The following NCAM1 variants were observed in gnomAD, a reference collection of about 807,000 sequenced individuals.
NCAM1 encodes neural cell adhesion molecule 1.
A neutral mutation model predicts 109.8 loss-of-function variants in NCAM1; 14 were observed. The ratio of observed to expected loss-of-function variants is 0.13; its 90% CI spans 0.08 to 0.20. The LOEUF (loss-of-function observed/expected upper bound fraction) is 0.20. NCAM1 is among the 10% of genes least tolerant of loss of function. The pLI, the probability that NCAM1 is intolerant of heterozygous loss-of-function variation, is 1.00. For missense variants in NCAM1, 774 were observed against 1,109.9 expected (o/e 0.70, Z 4.30); for synonymous variants, 418 against 442.9 (o/e 0.94, Z 0.70).
At chr11:113,225,103 GAGA>G (rs1177795489) in intron 9 of NCAM1, among the ~76,000 whole-genome samples, 2 of 152,234 alleles carry the variant, frequency 1.3e-5, no homozygotes, top group African/African-American at 2.4e-5. Flanking sequence ...GATGAGTTGA[GAGA>G]AGAAGGCTTC....
chr11:113,196,238 C>T (rs781796585), intron 1 of NCAM1, among the ~76,000 whole-genome samples: 26 of 152,122 alleles, frequency 1.7e-4, no homozygotes, highest in Non-Finnish European at 2.6e-4. Flanking sequence ...CGCATTTGTT[C>T]GGTTTTTACA....
chr11:113,219,146 G>C (rs1190778325), intron 8 of NCAM1, among the ~76,000 whole-genome samples: 22 of 152,198 alleles, frequency 1.4e-4, no homozygotes, highest in African/African-American at 5.1e-4. Flanking sequence ...GAAGAATTGA[G>C]ATCAGAAGAG....
chr11:113,194,090 G>A (rs574838530), intron 1 of NCAM1, among the ~76,000 whole-genome samples: 41 of 152,230 alleles, frequency 2.7e-4, no homozygotes, highest in African/African-American at 6.3e-4. Context: ...CAATTATGCC[G>A]GATTCCCAGC....
At chr11:113,258,697 A>C (rs541283388) in intron 16 of NCAM1, among the ~76,000 whole-genome samples, 3 of 152,266 alleles carry the variant, frequency 2.0e-5, no homozygotes, top group African/African-American at 7.2e-5. Flanking sequence ...GGATATTTCA[A>C]TTATACTGAC....
chr11:113,197,312 T>C (rs1943887295), intron 1 of NCAM1: 1 of 158,506 alleles, frequency 6.3e-6, no homozygotes, highest in South Asian at 1.6e-4. Flanking sequence ...TTCCCACAGG[T>C]ATAGCCAAAT....
chr11:113,220,045 C>G (rs962436224), intron 8 of NCAM1, among the ~76,000 whole-genome samples: 6 of 152,208 alleles, frequency 3.9e-5, no homozygotes, highest in Non-Finnish European at 7.3e-5. Context: ...ATTCTGGCAT[C>G]TTTTCTATCC....
At chr11:113,160,900 T>C (rs1237076768) in intron 1 of NCAM1, among the ~76,000 whole-genome samples, 3 of 152,210 alleles carry the variant, frequency 2.0e-5, no homozygotes, top group Non-Finnish European at 2.9e-5. Flanking sequence ...GGGCCTTGTC[T>C]GTTCCCTGAT....
At chr11:113,037,702 C>T (rs901268697) in intron 1 of NCAM1, among the ~76,000 whole-genome samples, 2 of 152,128 alleles carry the variant, frequency 1.3e-5, no homozygotes, top group Non-Finnish European at 2.9e-5. Context: ...TGCATAAGTC[C>T]GATATATTTT....
intron 1 of NCAM1, among the ~76,000 whole-genome samples, chr11:113,184,657 G>C (rs1403048332): frequency 1.3e-5 from 2 of 152,140 alleles, no homozygotes; most frequent in Non-Finnish European, 2.9e-5. Context: ...TATCCTCCTA[G>C]TGACTAGCAC....
Position 112,979,966 on chromosome 11 carries a change from C to G in NCAM1, c.52+18302C>G, listed in dbSNP as rs557667608. Among the ~76,000 whole-genome samples, 6 of 151,838 alleles carry G rather than the reference C, an allele frequency of 4.0e-5. No homozygotes were observed. In the East Asian group the frequency reaches 1.2e-3, roughly 29 times the overall value. On this transcript the variant is annotated intron_variant, in intron 1 of 19. Coordinates refer to ENST00000316851, the MANE Select transcript of NCAM1 (RefSeq NM_181351.5). ...AAAACACACTTGACAAAATGCGACA[C>G]CCCTTCAGGATGAAAACACTCATTA... is the stretch of plus-strand genomic sequence containing the variant.
At chr11:112,976,883 T>G (rs1951022399) in intron 1 of NCAM1, among the ~76,000 whole-genome samples, 2 of 151,894 alleles carry the variant, frequency 1.3e-5, no homozygotes, top group Admixed American at 6.6e-5. Context: ...TGCATTTTGG[T>G]GTTTAATGCA....
At chr11:112,984,605 G>T (rs1449864120) in intron 1 of NCAM1, among the ~76,000 whole-genome samples, 1 of 151,948 alleles carries the variant, frequency 6.6e-6, no homozygotes, top group Non-Finnish European at 1.5e-5. Flanking sequence ...GGTGTGAGAT[G>T]CTTTCTCATT....
intron 1 of NCAM1, among the ~76,000 whole-genome samples, chr11:113,144,815 C>T (rs1214536628): frequency 2.0e-5 from 3 of 152,098 alleles, no homozygotes; most frequent in East Asian, 1.9e-4. Flanking sequence ...AATCACAAAT[C>T]GTGTATGTAA....
rs950989597 is a variant in NCAM1 at position 112,963,640 on chromosome 11, C to G, written c.52+1976C>G. ...GTGCCCGTGGGTGCCGCGACGCGAC[C>G]TGTCCACATGGGGCGGGGGAAGGGG... On this transcript the variant is annotated intron_variant, in intron 1 of 19. Coordinates refer to ENST00000316851, the MANE Select transcript of NCAM1 (RefSeq NM_181351.5). The surrounding 1 kb of genome is among the most constrained non-coding windows in gnomAD (Gnocchi z 4.6). Among the ~76,000 whole-genome samples, 24 of 152,324 alleles carry G rather than the reference C, an allele frequency of 1.6e-4. No individual in the cohort carries two copies. Among genetic ancestry groups the G allele is most frequent in the East Asian group, 1.4e-3 (7 of 5,176 alleles).
chr11:113,096,102 T>C (rs1295349229), intron 1 of NCAM1, among the ~76,000 whole-genome samples: 3 of 152,116 alleles, frequency 2.0e-5, no homozygotes, highest in African/African-American at 4.8e-5. Flanking sequence ...AGGTCTGACT[T>C]CAGGAAGTGC....
At chr11:113,131,915 T>G (rs186093294) in intron 1 of NCAM1, among the ~76,000 whole-genome samples, 114 of 152,322 alleles carry the variant, frequency 7.5e-4, no homozygotes, top group Admixed American at 2.5e-3. Flanking sequence ...GAAGTAGGTT[T>G]GGAGGACAGT....
intron 1 of NCAM1, among the ~76,000 whole-genome samples, chr11:113,191,773 G>GTATA (rs10552025): frequency 7.0e-4 from 98 of 139,304 alleles, no homozygotes; most frequent in South Asian, 6.1e-3. Flanking sequence ...GTGTGTGTGT[G>GTATA]TATATATATA....
At chr11:113,179,632 G>C (rs1427632761) in intron 1 of NCAM1, among the ~76,000 whole-genome samples, 1 of 152,174 alleles carries the variant, frequency 6.6e-6, no homozygotes, top group Non-Finnish European at 1.5e-5. Context: ...GTCTTTGTGT[G>C]CCTTTTCTAT....
At chr11:113,016,750 CT>C (rs1952216438) in intron 1 of NCAM1, among the ~76,000 whole-genome samples, 1 of 152,176 alleles carries the variant, frequency 6.6e-6, no homozygotes, top group Non-Finnish European at 1.5e-5. Flanking sequence ...CCTTTTAACA[CT>C]TCTGGAGGGT....
Sources: gnomAD v4.1 joint callset for allele counts (sites outside exome capture counted in the v4.1 genomes callset) on GRCh38, gnomAD v4.1.1 for gene constraint, Gnocchi (gnomAD v3.1) non-coding constraint, MANE v1.5 for transcripts, NCBI Gene and HGNC (gene_info 2026-07-23, HGNC 2026-07-21) for gene names.